The following FRRS1 variants were observed in gnomAD, a reference collection of about 807,000 sequenced individuals.
FRRS1 encodes ferric reductase 1.
Under a neutral mutation model 70.7 loss-of-function variants are expected in FRRS1, and 51 were observed. The observed-to-expected ratio is 0.72, with a 90% CI of 0.58 to 0.91. The LOEUF (loss-of-function observed/expected upper bound fraction) is 0.91. Among genes scored for constraint, FRRS1 ranks in the 40% least tolerant of loss-of-function variants. FRRS1 has a pLI of 0.00. For missense variants in FRRS1, 672 were observed against 726.0 expected (o/e 0.93, Z 0.86); for synonymous variants, 225 against 238.7 (o/e 0.94, Z 0.53).
At chr1:99,726,441 C>A (rs1300311343) in intron 9 of FRRS1, among the ~76,000 whole-genome samples, 1 of 152,136 alleles carries the variant, frequency 6.6e-6, no homozygotes, top group African/African-American at 2.4e-5. Context: ...TTGGAAGCAA[C>A]CTGGGTTTAA....
chr1:99,744,969 C>CAAAAAAAAAAAAA (rs71075450), intron 4 of FRRS1, among the ~76,000 whole-genome samples: 16 of 91,748 alleles, frequency 1.7e-4, no homozygotes, highest in Non-Finnish European at 2.8e-4. Flanking sequence ...GACTCCGTCT[C>CAAAAAAAAAAAAA]AAAAAAAAAA....
At chr1:99,740,975 T>A (rs1196099422) in intron 5 of FRRS1, 35 bp from the exon 6 acceptor site, 1 of 1,596,638 alleles carries the variant, frequency 6.3e-7, no homozygotes, top group African/African-American at 1.3e-5. Context: ...AGAACCCTAA[T>A]TGTGTCCTGT....
intron 9 of FRRS1, among the ~76,000 whole-genome samples, chr1:99,725,229 G>A (rs1571111414): frequency 1.3e-5 from 2 of 152,240 alleles, no homozygotes; most frequent in East Asian, 1.9e-4. Context: ...CCTGCTGTGC[G>A]GCCCAGTTCC....
chr1:99,744,476 G>A (rs1656141041), intron 4 of FRRS1, among the ~76,000 whole-genome samples: 1 of 152,152 alleles, frequency 6.6e-6, no homozygotes, highest in African/African-American at 2.4e-5. Flanking sequence ...CTAACACGGT[G>A]AAACCCCATC....
intron 6 of FRRS1, among the ~76,000 whole-genome samples, chr1:99,740,303 C>T (rs1655888339): frequency 6.6e-6 from 1 of 152,166 alleles, no homozygotes; most frequent in South Asian, 2.1e-4. Flanking sequence ...ATGTCATGAC[C>T]AAACCTTGAA....
chr1:99,724,735 A>G (rs560387488), intron 9 of FRRS1, among the ~76,000 whole-genome samples: 68 of 152,200 alleles, frequency 4.5e-4, no homozygotes, highest in African/African-American at 1.5e-3. Flanking sequence ...AGGAATAGCA[A>G]TCTCCAGGTT....
intron 4 of FRRS1, among the ~76,000 whole-genome samples, chr1:99,744,696 T>C (rs1656154687): frequency 8.9e-6 from 1 of 112,516 alleles, no homozygotes; most frequent in African/African-American, 6.5e-5. Context: ...TGAAGCAGGA[T>C]AATCGCTTGA....
Position 99,717,497 on chromosome 1 carries a change from AGTCATCCAT to A in FRRS1, c.1140_1148del (p.Trp381_Thr383del). 1 of 1,613,888 alleles carries A rather than the reference AGTCATCCAT, an allele frequency of 6.2e-7. No individual in the cohort carries two copies. The highest frequency in any genetic ancestry group is 8.5e-7 in the Non-Finnish European group (1 of 1,179,758). On this transcript the variant is annotated inframe_deletion, in exon 11 of 17. Coordinates refer to ENST00000646001, the MANE Select transcript of FRRS1 (RefSeq NM_001361041.2). ...CAACCAGTACACCTATGCTAACAGTAGTCATCCATGCCACAAACATTAAGGCACCTACAA... is the reference window on the plus strand; with the variant it reads ...CAACCAGTACACCTATGCTAACAGTAGCCACAAACATTAAGGCACCTACAA...
At chr1:99,717,601 T>C in intron 10 of FRRS1, 76 bp from the exon 11 acceptor site, 1 of 948,956 alleles carries the variant, frequency 1.1e-6, no homozygotes, top group Non-Finnish European at 1.7e-6. Context: ...AGCCAAATGC[T>C]CAGAAAATAT....
intron 1 of FRRS1, among the ~76,000 whole-genome samples, 183 bp from the exon 2 acceptor site, chr1:99,749,184 C>A (rs1450631988): frequency 6.6e-6 from 1 of 152,136 alleles, no homozygotes; most frequent in Non-Finnish European, 1.5e-5. Flanking sequence ...TACAGGCATG[C>A]GCCACCACAC....
chr1:99,733,268 C>G (rs1046160129), intron 7 of FRRS1, among the ~76,000 whole-genome samples: 4 of 152,238 alleles, frequency 2.6e-5, no homozygotes, highest in African/African-American at 9.6e-5. Context: ...GTCCAGGAAG[C>G]AGACAGTAAA....
rs1324182811 is a variant in FRRS1, at chr1:99,707,606, C to G, written c.*1422G>C. Among the ~76,000 whole-genome samples the G allele has an allele frequency of 1.3e-5, 2 of 152,078 alleles. No individual in the cohort carries two copies. The highest frequency in any genetic ancestry group is 2.4e-5 in the African/African-American group (1 of 41,398). ...TACCCCAACCACCCAAAAAAAGTAG[C>G]CATTTTTAAAATAAAGATTAAGAGT... On this transcript the variant is annotated 3_prime_UTR_variant, in exon 17 of 17. Transcript: ENST00000646001.
chr1:99,739,298 C>A (rs1427896380), intron 6 of FRRS1, among the ~76,000 whole-genome samples: 1 of 152,178 alleles, frequency 6.6e-6, no homozygotes, highest in African/African-American at 2.4e-5. Flanking sequence ...GGCACAAAGA[C>A]ACAATAAAAG....
rs544675408 is a variant in FRRS1, at chr1:99,716,420, C to T, written c.1237-748G>A. Among the ~76,000 whole-genome samples, 7 of 152,282 alleles carry T rather than the reference C, an allele frequency of 4.6e-5. No individual in the cohort carries two copies. In the South Asian group the frequency reaches 1.5e-3, roughly 32 times the overall value. ...AAAGAGAATACACACAGTCTTTGAG[C>T]TGGGAATATCCACATGAGCAGATGA... On this transcript the variant is annotated intron_variant, in intron 11 of 16. Coordinates refer to ENST00000646001, the MANE Select transcript of FRRS1 (RefSeq NM_001361041.2).
At chr1:99,732,900 G>A (rs1655467323) in intron 7 of FRRS1, among the ~76,000 whole-genome samples, 1 of 150,866 alleles carries the variant, frequency 6.6e-6, no homozygotes, top group African/African-American at 2.4e-5. Context: ...CTGGAATGCA[G>A]TGGTGCAAAT....
chr1:99,717,255 T>C (rs1205473356), intron 11 of FRRS1, among the ~76,000 whole-genome samples, 155 bp downstream of exon 11: 1 of 152,148 alleles, frequency 6.6e-6, no homozygotes, highest in East Asian at 1.9e-4. Context: ...TTGTGTCCAC[T>C]CTCAATTGAT....
chr1:99,716,285 T>C (rs1654522738), intron 11 of FRRS1, among the ~76,000 whole-genome samples: 1 of 152,188 alleles, frequency 6.6e-6, no homozygotes, highest in Non-Finnish European at 1.5e-5. Flanking sequence ...GATGGATAGA[T>C]GGGTGGATGG....
chr1:99,724,206 T>C (rs1654969572), intron 9 of FRRS1, among the ~76,000 whole-genome samples: 1 of 152,196 alleles, frequency 6.6e-6, no homozygotes, highest in South Asian at 2.1e-4. Context: ...TCCATTATAA[T>C]TTTGCAGTCT....
At chr1:99,753,328 C>T (rs886670153) in intron 1 of FRRS1, among the ~76,000 whole-genome samples, 13 of 151,506 alleles carry the variant, frequency 8.6e-5, no homozygotes, top group African/African-American at 3.1e-4. Flanking sequence ...TGAAACCAGC[C>T]TGGGCAACAT....
Sources: gnomAD v4.1 joint callset for allele counts (sites outside exome capture counted in the v4.1 genomes callset) on GRCh38, gnomAD v4.1.1 for gene constraint, MANE v1.5 for transcripts, NCBI Gene and HGNC (gene_info 2026-07-23, HGNC 2026-07-21) for gene names.